IFT43: variants seen among roughly 807,000 people sequenced by gnomAD.
The protein encoded by IFT43 is intraflagellar transport protein 43 homolog.
IFT43 carries 33 observed loss-of-function variants against 32.3 expected under a neutral mutation model. The observed-to-expected ratio is 1.02, with a 90% CI of 0.77 to 1.37. The LOEUF (loss-of-function observed/expected upper bound fraction) is 1.37. Among genes scored for constraint, IFT43 ranks in the 40% most tolerant of loss-of-function variants. IFT43 has a pLI of 0.00. For synonymous variants in IFT43, 93 were observed against 98.2 expected (o/e 0.95, Z 0.31); for missense variants, 274 against 265.9 (o/e 1.03, Z -0.21).
chr14:76,042,465 T>C (rs2036725345), intron 3 of IFT43, among the ~76,000 whole-genome samples: 1 of 152,162 alleles, frequency 6.6e-6, no homozygotes, highest in Non-Finnish European at 1.5e-5. Flanking sequence ...AGGGCTCTTT[T>C]GACAAGAAAC....
intron 2 of IFT43, among the ~76,000 whole-genome samples, chr14:76,019,045 T>A (rs547928809): frequency 1.3e-5 from 2 of 152,260 alleles, no homozygotes; most frequent in East Asian, 3.9e-4. Context: ...TGCCATTTTA[T>A]TAATTGTTTT....
intron 3 of IFT43, among the ~76,000 whole-genome samples, chr14:76,041,657 A>G (rs1317913755): frequency 1.3e-5 from 2 of 152,134 alleles, no homozygotes; most frequent in Non-Finnish European, 2.9e-5. Context: ...ACTACTATTT[A>G]CTCTGATCCT....
At chr14:76,006,225 G>T (rs548080955) in intron 2 of IFT43, among the ~76,000 whole-genome samples, 1 of 152,172 alleles carries the variant, frequency 6.6e-6, no homozygotes, top group Non-Finnish European at 1.5e-5. Context: ...ACTAGGAAAG[G>T]TTAATCTAAA....
In IFT43 at chr14:76,083,615, G is replaced by A. The variant is rs748593346; in HGVS notation, c.*38G>A. 4 of 1,608,426 alleles carry A rather than the reference G, an allele frequency of 2.5e-6. No individual in the cohort carries two copies. The highest frequency in any genetic ancestry group is 3.4e-6 in the Non-Finnish European group (4 of 1,176,824). On this transcript the variant is annotated 3_prime_UTR_variant, in exon 9 of 9. Coordinates refer to ENST00000314067, the MANE Select transcript of IFT43 (RefSeq NM_001102564.3). ...TGCTCTAGACATGAAGAAATGCAAT[G>A]AGCTTAAAGCTAAAGAAGCTTGTAA...
At chr14:76,069,638 T>G (rs2037285667) in intron 5 of IFT43, among the ~76,000 whole-genome samples, 1 of 152,240 alleles carries the variant, frequency 6.6e-6, no homozygotes, top group South Asian at 2.1e-4. Context: ...CAATTAGATA[T>G]GGACTCAACT....
At chr14:75,988,853 G>C (rs1384154063) in intron 1 of IFT43, 32 bp from the exon 2 acceptor site, 4 of 1,613,370 alleles carry the variant, frequency 2.5e-6, no homozygotes, top group Non-Finnish European at 3.4e-6. Context: ...AATGACATTT[G>C]GGTCAGCAGT....
intron 2 of IFT43, among the ~76,000 whole-genome samples, chr14:76,021,946 T>C (rs968812073): frequency 6.6e-6 from 1 of 152,120 alleles, no homozygotes; most frequent in African/African-American, 2.4e-5. Context: ...CCTCAGCCAT[T>C]GTGGTGTTTA....
chr14:76,079,202 A>G (rs1463608431), intron 5 of IFT43, among the ~76,000 whole-genome samples: 3 of 152,224 alleles, frequency 2.0e-5, no homozygotes, highest in Non-Finnish European at 4.4e-5. Flanking sequence ...TCCATTACTC[A>G]TAGATTCACT....
intron 3 of IFT43, among the ~76,000 whole-genome samples, chr14:76,025,616 C>T (rs1425162859): frequency 6.6e-6 from 1 of 152,070 alleles, no homozygotes; most frequent in Non-Finnish European, 1.5e-5. Flanking sequence ...GACACATAGA[C>T]CAATAGAACA....
chr14:76,000,004 C>T (rs553335771), intron 2 of IFT43, among the ~76,000 whole-genome samples: 17 of 152,306 alleles, frequency 1.1e-4, no homozygotes, highest in African/African-American at 3.1e-4. Context: ...CGCTGGGAGG[C>T]GGTTGGAGCA....
chr14:76,083,149 G>C, intron 7 of IFT43, 78 bp from the exon 8 acceptor site: 1 of 1,529,250 alleles, frequency 6.5e-7, no homozygotes. Context: ...CACAAAAACT[G>C]ATCCCGGTTT....
chr14:76,036,965 C>T (rs1351266787), intron 3 of IFT43, among the ~76,000 whole-genome samples: 1 of 152,210 alleles, frequency 6.6e-6, no homozygotes, highest in Non-Finnish European at 1.5e-5. Context: ...TTAGCTAGGA[C>T]AGGTGCACGC....
intron 2 of IFT43, among the ~76,000 whole-genome samples, chr14:76,011,778 G>A (rs1052527995): frequency 1.3e-5 from 2 of 152,172 alleles, no homozygotes; most frequent in Non-Finnish European, 2.9e-5. Flanking sequence ...CTACTATGGA[G>A]AAACTCAGTT....
At chr14:76,044,905 C>T (rs2036776079) in intron 3 of IFT43, among the ~76,000 whole-genome samples, 1 of 152,164 alleles carries the variant, frequency 6.6e-6, no homozygotes, top group Non-Finnish European at 1.5e-5. Flanking sequence ...ATACATTTTT[C>T]TTCTTTCTGC....
At chr14:75,994,283 C>T (rs931193340) in intron 2 of IFT43, among the ~76,000 whole-genome samples, 3 of 152,134 alleles carry the variant, frequency 2.0e-5, no homozygotes, top group Admixed American at 6.5e-5. Context: ...TCCATACCCA[C>T]TTAGGACGTG....
At chr14:76,048,970 A>G (rs72725685) in intron 3 of IFT43, among the ~76,000 whole-genome samples, 25,205 of 152,226 alleles carry the variant, frequency 0.17, 2,172 homozygotes, top group Non-Finnish European at 0.19. Flanking sequence ...GTTTCGGGGA[A>G]ATCACAGAAT....
At chr14:76,055,483 TAAAA>T (rs2036995534) in intron 3 of IFT43, among the ~76,000 whole-genome samples, 1 of 152,134 alleles carries the variant, frequency 6.6e-6, no homozygotes, top group Non-Finnish European at 1.5e-5. Flanking sequence ...TCTGTGCTAT[TAAAA>T]AAGAAAGATG....
At chr14:76,068,694 C>T (rs1566733868) in intron 5 of IFT43, among the ~76,000 whole-genome samples, 1 of 152,208 alleles carries the variant, frequency 6.6e-6, no homozygotes, top group Non-Finnish European at 1.5e-5. Context: ...TAGACTTCTT[C>T]TGTCATGGAA....
At chr14:76,056,075 A>G (rs2037008950) in intron 3 of IFT43, among the ~76,000 whole-genome samples, 1 of 152,244 alleles carries the variant, frequency 6.6e-6, no homozygotes. Context: ...ATGAATTTAC[A>G]TTAAAACAGA....
Sources: allele counts gnomAD v4.1 joint callset (sites outside exome capture counted in the v4.1 genomes callset), GRCh38; gene constraint gnomAD v4.1.1; transcripts MANE v1.5; gene names NCBI Gene and HGNC (gene_info 2026-07-23, HGNC 2026-07-21).